KCNIP4: variants seen among roughly 807,000 people sequenced by gnomAD.
KCNIP4 encodes the protein Kv channel-interacting protein 4.
A neutral mutation model predicts 34.0 loss-of-function variants in KCNIP4; 12 were observed. The observed-to-expected ratio is 0.35, with a 90% CI of 0.23 to 0.57. KCNIP4 has a LOEUF of 0.57. Among genes scored for constraint, KCNIP4 ranks in the 20% least tolerant of loss-of-function variants. KCNIP4 has a pLI of 0.83. For missense variants in KCNIP4, 238 were observed against 311.7 expected (o/e 0.76, Z 1.78); for synonymous variants, 124 against 102.2 (o/e 1.21, Z -1.29).
intron 1 of KCNIP4, among the ~76,000 whole-genome samples, chr4:21,146,159 G>A (rs1230779394): frequency 6.6e-6 from 1 of 152,204 alleles, no homozygotes; most frequent in Non-Finnish European, 1.5e-5. Context: ...ATCACTTTGG[G>A]AGGCTGAGGC....
chr4:20,762,853 G>A (rs1156389570), intron 3 of KCNIP4, among the ~76,000 whole-genome samples: 1 of 152,172 alleles, frequency 6.6e-6, no homozygotes, highest in Non-Finnish European at 1.5e-5. Flanking sequence ...AAAGGAAAGA[G>A]GTTAATTGAC....
intron 2 of KCNIP4, among the ~76,000 whole-genome samples, chr4:20,853,400 C>T (rs561903444): frequency 6.6e-6 from 1 of 152,000 alleles, no homozygotes; most frequent in African/African-American, 2.4e-5. Flanking sequence ...GAAAGGACAC[C>T]CTTTTCAACA....
chr4:20,837,566 G>A (rs1261285645), intron 3 of KCNIP4, among the ~76,000 whole-genome samples: 1 of 151,168 alleles, frequency 6.6e-6, no homozygotes, highest in Non-Finnish European at 1.5e-5. Context: ...AAATTGCACA[G>A]CAGCCTCTTT....
chr4:21,705,758 T>C (rs1449037106), intron 1 of KCNIP4, among the ~76,000 whole-genome samples: 3 of 152,294 alleles, frequency 2.0e-5, no homozygotes, highest in Admixed American at 1.3e-4. Flanking sequence ...AATGTGCACA[T>C]AGGTGCTTTC....
intron 3 of KCNIP4, among the ~76,000 whole-genome samples, chr4:20,839,625 T>C (rs1578744954): frequency 6.6e-6 from 1 of 151,982 alleles, no homozygotes; most frequent in East Asian, 1.9e-4. Context: ...TACAACACAA[T>C]TCAGAGTACT....
At chr4:21,448,020 A>G (rs1728180424) in intron 1 of KCNIP4, among the ~76,000 whole-genome samples, 1 of 152,136 alleles carries the variant, frequency 6.6e-6, no homozygotes, top group African/African-American at 2.4e-5. Context: ...GAGAAAAATG[A>G]ATAAGGGGAA....
chr4:21,569,986 C>A (rs193044538), intron 1 of KCNIP4, among the ~76,000 whole-genome samples: 2 of 151,966 alleles, frequency 1.3e-5, no homozygotes, highest in Non-Finnish European at 1.5e-5. Flanking sequence ...GTACTCCCCC[C>A]ACTCAGGTAA....
At chr4:21,690,282 A>C (rs1368010193) in intron 1 of KCNIP4, among the ~76,000 whole-genome samples, 2 of 151,892 alleles carry the variant, frequency 1.3e-5, no homozygotes, top group African/African-American at 4.8e-5. Flanking sequence ...ATACTGGAAA[A>C]ACAGTGTTGG....
At chr4:21,780,546 ACATAAGGGGGACT>A (rs1345578329) in intron 1 of KCNIP4, among the ~76,000 whole-genome samples, 4 of 152,116 alleles carry the variant, frequency 2.6e-5, no homozygotes, top group Non-Finnish European at 2.9e-5. Context: ...ACCATGCTAA[ACATAAGGGGGACT>A]CAGAGGAAGT....
intron 1 of KCNIP4, among the ~76,000 whole-genome samples, chr4:20,901,924 T>C (rs1179301931): frequency 3.3e-5 from 5 of 151,940 alleles, no homozygotes; most frequent in African/African-American, 4.8e-5. Flanking sequence ...CCTTTTAAAG[T>C]CTTTCTTTTA....
chr4:21,501,991 ACG>A (rs1472924680), intron 1 of KCNIP4, among the ~76,000 whole-genome samples: 1,415 of 97,940 alleles, frequency 0.014, 21 homozygotes, highest in African/African-American at 0.061. Context: ...TCTCATGCAC[ACG>A]CACACACACA....
intron 1 of KCNIP4, among the ~76,000 whole-genome samples, chr4:20,999,098 T>A (rs1444091437): frequency 6.6e-6 from 1 of 152,100 alleles, no homozygotes; most frequent in Non-Finnish European, 1.5e-5. Context: ...TCTAGACAGG[T>A]TTTCTGACAA....
rs78655147 is a variant in KCNIP4 at position 20,988,518 on chromosome 4, G to A, written c.62-105809C>T. ...TGAAATTTCACCACGTGATAGTCTCGGTTAAGAAATATTCTTCATACTGTT... is the reference window on the plus strand; with the variant it reads ...TGAAATTTCACCACGTGATAGTCTCAGTTAAGAAATATTCTTCATACTGTT... On this transcript the variant is annotated intron_variant, in intron 1 of 8. Coordinates refer to ENST00000382152, the MANE Select transcript of KCNIP4 (RefSeq NM_025221.6). Among the ~76,000 whole-genome samples, 265 of 151,990 alleles carry A rather than the reference G, an allele frequency of 1.7e-3. 7 individuals are homozygous for A. The East Asian group carries it at 0.038, about 22-fold the overall frequency.
At chr4:21,155,626 A>C (rs532578423) in intron 1 of KCNIP4, among the ~76,000 whole-genome samples, 70 of 152,278 alleles carry the variant, frequency 4.6e-4, no homozygotes, top group African/African-American at 1.7e-3. Flanking sequence ...ATTCGGAAGG[A>C]GTCACTTGTC....
At chr4:20,823,980 G>C (rs1388272054) in intron 3 of KCNIP4, among the ~76,000 whole-genome samples, 1 of 152,096 alleles carries the variant, frequency 6.6e-6, no homozygotes, top group East Asian at 1.9e-4. Context: ...TTGAACCCCA[G>C]CACTGCTACC....
At chr4:21,065,018 T>C (rs1243208569) in intron 1 of KCNIP4, among the ~76,000 whole-genome samples, 2 of 152,212 alleles carry the variant, frequency 1.3e-5, no homozygotes, top group African/African-American at 4.8e-5. Flanking sequence ...TGAACTCAAT[T>C]ATACTATCAC....
rs894009664 is a variant in KCNIP4, at chr4:21,622,120, T to A, written c.61+326451A>T. ...CTTTGCTCATATTAAAGATGTATCTTTAGCCTGGAATCATTGGTACCTTTC... is the reference window on the plus strand; with the variant it reads ...CTTTGCTCATATTAAAGATGTATCTATAGCCTGGAATCATTGGTACCTTTC... On this transcript the variant is annotated intron_variant, in intron 1 of 8. Transcript: ENST00000382152. Among the ~76,000 whole-genome samples the A allele has an allele frequency of 2.0e-5, 3 of 152,188 alleles. No homozygotes were observed. The South Asian group carries it at 6.2e-4, about 32-fold the overall frequency.
At chr4:21,890,106 G>A (rs955802079) in intron 1 of KCNIP4, among the ~76,000 whole-genome samples, 2 of 152,038 alleles carry the variant, frequency 1.3e-5, no homozygotes, top group African/African-American at 4.8e-5. Context: ...GTCTACTGAT[G>A]ATCACCCCCT....
At chr4:21,704,365 T>C (rs913565436) in intron 1 of KCNIP4, among the ~76,000 whole-genome samples, 1 of 152,088 alleles carries the variant, frequency 6.6e-6, no homozygotes, top group African/African-American at 2.4e-5. Context: ...ATAAATTAGA[T>C]GGCATCAAAG....
Sources: allele counts gnomAD v4.1 joint callset (sites outside exome capture counted in the v4.1 genomes callset), GRCh38; gene constraint gnomAD v4.1.1; transcripts MANE v1.5; gene names NCBI Gene and HGNC (gene_info 2026-07-23, HGNC 2026-07-21).